YAP1: variants seen among roughly 807,000 people sequenced by gnomAD.
The protein encoded by YAP1 is transcriptional coactivator YAP1.
Under a neutral mutation model 56.9 loss-of-function variants are expected in YAP1, and 5 were observed. The observed-to-expected ratio is 0.09, with a 90% CI of 0.05 to 0.18. YAP1 has a LOEUF of 0.18. YAP1 is among the 10% of genes least tolerant of loss of function. The pLI, the probability that YAP1 is intolerant of heterozygous loss-of-function variation, is 1.00. For missense variants in YAP1, 539 were observed against 651.8 expected, an observed-to-expected ratio of 0.83 and a Z score of 1.88; for synonymous variants, 265 against 248.1, an observed-to-expected ratio of 1.07 and a Z score of -0.64.
intron 2 of YAP1, among the ~76,000 whole-genome samples, chr11:102,126,898 A>T (rs924256831): frequency 6.6e-6 from 1 of 152,188 alleles, no homozygotes; most frequent in Non-Finnish European, 1.5e-5. Flanking sequence ...CTTCTTGGGA[A>T]CTGGACCAGA....
rs1416230494 is a variant in YAP1, at chr11:102,230,280, TA to T, written c.*342del. 5.0e-6 allele frequency: 1 copy of T among 201,282 alleles called. No homozygotes were observed. Among genetic ancestry groups the T allele is most frequent in the African/African-American group, 2.3e-5 (1 of 42,828 alleles). 12.5% of individuals were successfully genotyped at this position (201,282 alleles called of 1,614,324 possible). A position where few individuals can be genotyped will look rare whatever the true frequency, so the allele number is the denominator to read the frequency against. ...CCAGTTAAATGTTCACCAATCATTTTAACTAAATACTCAGACTTAGAAGTCA... is the reference window on the plus strand; with the variant it reads ...CCAGTTAAATGTTCACCAATCATTTTACTAAATACTCAGACTTAGAAGTCA... On this transcript the variant is annotated 3_prime_UTR_variant, in exon 9 of 9. Coordinates refer to ENST00000282441, the MANE Select transcript of YAP1 (RefSeq NM_001130145.3).
chr11:102,165,088 G>GT (rs1464063937), intron 3 of YAP1, among the ~76,000 whole-genome samples: 2 of 152,078 alleles, frequency 1.3e-5, no homozygotes, highest in Non-Finnish European at 2.9e-5. Context: ...GGCAGGTACA[G>GT]TGGCTCACAC....
At chr11:102,123,990 C>T (rs1258250665) in intron 2 of YAP1, among the ~76,000 whole-genome samples, 5 of 149,428 alleles carry the variant, frequency 3.3e-5, no homozygotes, top group African/African-American at 1.2e-4. Flanking sequence ...CTTGCTTTGT[C>T]ACCCAGGCTG....
rs146259600 is a variant in YAP1 at position 102,204,134 on chromosome 11, G to A, written c.803-1759G>A. ...CAGTCTTGAGCCAGGTATGATGCTCGCCTGCAGTCTCAGCTGCTTGAGAGA... is the reference window on the plus strand; with the variant it reads ...CAGTCTTGAGCCAGGTATGATGCTCACCTGCAGTCTCAGCTGCTTGAGAGA... On this transcript the variant is annotated intron_variant, in intron 4 of 8. Transcript: ENST00000282441. Among the ~76,000 whole-genome samples, 694 of 150,830 alleles carry A rather than the reference G, an allele frequency of 4.6e-3. 3 individuals are homozygous for A. The highest frequency in any genetic ancestry group is 0.016 in the African/African-American group (640 of 41,036).
At chr11:102,222,953 A>T (rs1291738214) in intron 6 of YAP1, among the ~76,000 whole-genome samples, 3 of 151,756 alleles carry the variant, frequency 2.0e-5, no homozygotes, top group Non-Finnish European at 2.9e-5. Context: ...TTTAAGAATT[A>T]TTTTTTTAGG....
At chr11:102,163,455 C>G (rs1287574843) in intron 3 of YAP1, among the ~76,000 whole-genome samples, 1 of 152,092 alleles carries the variant, frequency 6.6e-6, no homozygotes, top group Non-Finnish European at 1.5e-5. Context: ...GGTGCCCTTC[C>G]TCTGGGAAGA....
chr11:102,228,068 T>C (rs941995779), intron 8 of YAP1, among the ~76,000 whole-genome samples: 24 of 145,542 alleles, frequency 1.6e-4, no homozygotes, highest in Non-Finnish European at 2.9e-4. Context: ...AAAAAAAAAA[T>C]CATAAATTGG....
intron 3 of YAP1, among the ~76,000 whole-genome samples, chr11:102,175,665 G>A (rs1028140329): frequency 2.8e-4 from 43 of 152,214 alleles, no homozygotes; most frequent in Admixed American, 2.2e-3. Flanking sequence ...ACAGCTTATC[G>A]CTCTTAGGCT....
chr11:102,164,131 A>G (rs10750635), intron 3 of YAP1, among the ~76,000 whole-genome samples: 151,830 of 151,972 alleles, frequency 1, 75,844 homozygotes, highest in Middle Eastern at 1. Context: ...TCTGCCTCCC[A>G]GGTTCAAGTG....
At position 102,114,368 on chromosome 11, in the gene YAP1, ATCT is replaced by A; in HGVS notation, c.550_552del (p.Ser184del). 4 of 1,614,098 alleles carry A rather than the reference ATCT, an allele frequency of 2.5e-6. No individual in the cohort carries two copies. The highest frequency in any genetic ancestry group is 3.4e-6 in the Non-Finnish European group (4 of 1,179,920). Reference sequence around the variant, plus strand: ...CAGCAGGTTGGGAGATGGCAAAGACATCTTCTGGTCAGAGATACTTCTTAAAGT... The same window carrying A: ...CAGCAGGTTGGGAGATGGCAAAGACATCTGGTCAGAGATACTTCTTAAAGT... On this transcript the variant is annotated inframe_deletion, in exon 2 of 9. Transcript: ENST00000282441.
At chr11:102,149,816 T>G (rs1249764457) in intron 2 of YAP1, among the ~76,000 whole-genome samples, 1 of 152,150 alleles carries the variant, frequency 6.6e-6, no homozygotes, top group Non-Finnish European at 1.5e-5. Context: ...TGGATCTCCC[T>G]TATTCTGTAC....
chr11:102,196,291 A>T (rs556251498), intron 4 of YAP1, among the ~76,000 whole-genome samples: 7 of 152,360 alleles, frequency 4.6e-5, no homozygotes, highest in Admixed American at 2.0e-4. Context: ...TTTATAATAA[A>T]TAGCCAAAAA....
intron 2 of YAP1, among the ~76,000 whole-genome samples, chr11:102,126,088 T>C (rs1011524134): frequency 6.6e-6 from 1 of 152,040 alleles, no homozygotes; most frequent in Non-Finnish European, 1.5e-5. Context: ...CAGGTCTGTT[T>C]CTCTGAAATC....
intron 6 of YAP1, among the ~76,000 whole-genome samples, chr11:102,221,208 C>A (rs998559293): frequency 6.6e-6 from 1 of 152,068 alleles, no homozygotes; most frequent in Non-Finnish European, 1.5e-5. Context: ...GATGGAGTAA[C>A]GAAGAGATCA....
chr11:102,168,051 A>G (rs1946704247), intron 3 of YAP1, among the ~76,000 whole-genome samples: 1 of 152,108 alleles, frequency 6.6e-6, no homozygotes, highest in African/African-American at 2.4e-5. Flanking sequence ...CTCAAAAAAA[A>G]AGTTATAATA....
chr11:102,119,714 T>C (rs1178051800), intron 2 of YAP1, among the ~76,000 whole-genome samples: 1 of 152,032 alleles, frequency 6.6e-6, no homozygotes, highest in Non-Finnish European at 1.5e-5. Flanking sequence ...ATATTTTACT[T>C]TGTAGTTAGA....
In YAP1 at chr11:102,186,096, C is replaced by T. The variant is rs1269951646; in HGVS notation, c.767C>T (p.Thr256Ile). The T allele has an allele frequency of 1.2e-6, 2 of 1,612,894 alleles. No homozygotes were observed. The highest frequency in any genetic ancestry group is 2.7e-5 in the African/African-American group (2 of 74,764). ...TATATAAACCATAAGAACAAGACCA[C>T]CTCTTGGCTAGACCCAAGGCTTGAC... ...IYYINHKNKT[T>I]SWLDPRLDPR... Residue 256 changes from threonine to isoleucine, a missense_variant, in exon 4 of 9, where the codon ACC becomes ATC. Around this residue, in one of 4 missense-constraint regions of YAP1, gnomAD observed 414 missense variants for 512.4 expected, o/e 0.81. Coordinates refer to ENST00000282441, the MANE Select transcript of YAP1 (RefSeq NM_001130145.3).
intron 2 of YAP1, among the ~76,000 whole-genome samples, chr11:102,149,941 C>G (rs538813843): frequency 2.9e-5 from 4 of 139,482 alleles, no homozygotes; most frequent in African/African-American, 1.1e-4. Context: ...CACTGCTCTA[C>G]TGATATTTGC....
At chr11:102,123,925 C>A (rs1943864783) in intron 2 of YAP1, among the ~76,000 whole-genome samples, 1 of 151,236 alleles carries the variant, frequency 6.6e-6, no homozygotes, top group Non-Finnish European at 1.5e-5. Context: ...CCATGCCCGG[C>A]CACTCCATTT....
Sources: gnomAD v4.1 joint callset for allele counts (sites outside exome capture counted in the v4.1 genomes callset) on GRCh38, gnomAD v4.1.1 for gene constraint, gnomAD v4.1.1 regional missense constraint, MANE v1.5 for transcripts, NCBI Gene and HGNC (gene_info 2026-07-23, HGNC 2026-07-21) for gene names.